C12orf56: variants seen among roughly 807,000 people sequenced by gnomAD.
C12orf56 encodes chromosome 12 open reading frame 56.
Under a neutral mutation model 69.9 loss-of-function variants are expected in C12orf56, and 71 were observed. That is an observed-to-expected ratio of 1.02 (90% CI 0.84 to 1.24). C12orf56 has a LOEUF of 1.24. C12orf56 is among the 50% of genes most tolerant of loss of function. The pLI, the probability that C12orf56 is intolerant of heterozygous loss-of-function variation, is 0.00. For missense variants in C12orf56, 732 were observed against 738.5 expected (o/e 0.99, Z 0.10); for synonymous variants, 276 against 274.1 (o/e 1.01, Z -0.07).
At chr12:64,342,533 T>C (rs1044918613) in intron 2 of C12orf56, among the ~76,000 whole-genome samples, 1 of 152,156 alleles carries the variant, frequency 6.6e-6, no homozygotes, top group Non-Finnish European at 1.5e-5. Context: ...GCAGAAACCA[T>C]GGGCATTTGA....
At chr12:64,388,267 G>C (rs916153377) in intron 1 of C12orf56, among the ~76,000 whole-genome samples, 2 of 151,862 alleles carry the variant, frequency 1.3e-5, no homozygotes, top group Admixed American at 1.3e-4. Context: ...TGTTTGTTTA[G>C]AGACAGTCTA....
At chr12:64,279,699 A>C (rs1442321795) in intron 8 of C12orf56, among the ~76,000 whole-genome samples, 1 of 152,202 alleles carries the variant, frequency 6.6e-6, no homozygotes, top group Non-Finnish European at 1.5e-5. Flanking sequence ...AAGCAAGTCT[A>C]GTTCTTATAT....
At chr12:64,367,213 C>CATACAGATTATATATTATATATAAT (rs2039503522) in intron 1 of C12orf56, among the ~76,000 whole-genome samples, 1 of 14,118 alleles carries the variant, frequency 7.1e-5, no homozygotes, top group Non-Finnish European at 2.0e-4. Context: ...TTATATATAA[C>CATACAGATTATATATTATATATAAT]ATACAGTTTA....
intron 12 of C12orf56, among the ~76,000 whole-genome samples, chr12:64,269,612 G>A (rs536343651): frequency 4.0e-5 from 6 of 150,822 alleles, no homozygotes; most frequent in East Asian, 1.9e-4. Flanking sequence ...TTTTTGAGGC[G>A]GAATATCCCT....
At position 64,362,911 on chromosome 12, in the gene C12orf56, T is replaced by C. The variant is rs552125737; in HGVS notation, c.253-9855A>G. Among the ~76,000 whole-genome samples the C allele has an allele frequency of 6.8e-4, 104 of 152,282 alleles. 1 individual carries two copies. Among genetic ancestry groups the C allele is most frequent in the African/African-American group, 2.3e-3 (96 of 41,552 alleles). ...TTGCCATGGCATTCGTAAACTGACA[T>C]GTCACTGGTGGAGTGTAGCAGTGAG... On this transcript the variant is annotated intron_variant, in intron 1 of 12. Coordinates refer to ENST00000543942, the MANE Select transcript of C12orf56 (RefSeq NM_001170633.2).
chr12:64,360,994 C>A (rs1248943699), intron 1 of C12orf56, among the ~76,000 whole-genome samples: 1 of 152,000 alleles, frequency 6.6e-6, no homozygotes, highest in Non-Finnish European at 1.5e-5. Context: ...CCGAGATGGG[C>A]GTATCACTTG....
intron 2 of C12orf56, among the ~76,000 whole-genome samples, chr12:64,341,861 A>G (rs369719800): frequency 6.6e-5 from 10 of 152,166 alleles, no homozygotes; most frequent in African/African-American, 2.4e-4. Flanking sequence ...AGCAGTAGTC[A>G]TAGCCAGATC....
At chr12:64,275,910 C>T (rs937692232) in intron 9 of C12orf56, among the ~76,000 whole-genome samples, 1 of 151,838 alleles carries the variant, frequency 6.6e-6, no homozygotes, top group African/African-American at 2.4e-5. Context: ...CTGGCTGGCC[C>T]ACAGAATACT....
intron 8 of C12orf56, among the ~76,000 whole-genome samples, chr12:64,282,766 TAA>T (rs779672242): frequency 5.7e-5 from 7 of 123,510 alleles, no homozygotes; most frequent in Non-Finnish European, 3.5e-5. Context: ...AAACCCTATC[TAA>T]AAAAAAAAAA....
chr12:64,286,869 G>A (rs530322691), intron 6 of C12orf56, among the ~76,000 whole-genome samples: 52 of 152,288 alleles, frequency 3.4e-4, no homozygotes, highest in Non-Finnish European at 5.6e-4. Context: ...AGCTGGGAAT[G>A]CCAGAGAAAG....
intron 4 of C12orf56, among the ~76,000 whole-genome samples, chr12:64,318,332 G>T (rs1163358071): frequency 1.3e-5 from 2 of 152,024 alleles, no homozygotes; most frequent in Non-Finnish European, 2.9e-5. Context: ...CAAAGTGCTG[G>T]GATTACAGGA....
chr12:64,380,069 C>A (rs2039692892), intron 1 of C12orf56, among the ~76,000 whole-genome samples: 1 of 128,194 alleles, frequency 7.8e-6, no homozygotes, highest in Non-Finnish European at 1.6e-5. Context: ...CGTGCCACTG[C>A]ACTCCAGCCT....
intron 8 of C12orf56, among the ~76,000 whole-genome samples, chr12:64,278,807 T>C (rs2038088335): frequency 1.3e-5 from 2 of 152,198 alleles, no homozygotes; most frequent in African/African-American, 4.8e-5. Flanking sequence ...TTTTATGAGT[T>C]TGGCTTTTTT....
At chr12:64,285,388 C>T (rs1242307854) in intron 7 of C12orf56, among the ~76,000 whole-genome samples, 1 of 152,130 alleles carries the variant, frequency 6.6e-6, no homozygotes, top group Non-Finnish European at 1.5e-5. Context: ...TGAAAGCTGT[C>T]TCTCCTCCAG....
chr12:64,282,733 G>T (rs966506050), intron 8 of C12orf56, among the ~76,000 whole-genome samples: 1 of 150,932 alleles, frequency 6.6e-6, no homozygotes, highest in Non-Finnish European at 1.5e-5. Flanking sequence ...TCGTGTCACT[G>T]CACTCCAGCC....
chr12:64,331,881 C>T (rs549982325), intron 2 of C12orf56, among the ~76,000 whole-genome samples: 70 of 152,038 alleles, frequency 4.6e-4, no homozygotes, highest in Middle Eastern at 6.8e-3. Context: ...TTCTGTCTTT[C>T]CAGCCTCTCC....
chr12:64,390,583 T>C lies in C12orf56; in HGVS notation c.-18A>G. ...CTGGCCATGCCCGGCGCCCGCAGCGTGGCGGAGTGCTGGGACTCGAGGCCC... is the reference window on the plus strand; with the variant it reads ...CTGGCCATGCCCGGCGCCCGCAGCGCGGCGGAGTGCTGGGACTCGAGGCCC... On this transcript the variant is annotated 5_prime_UTR_variant, in exon 1 of 13. Transcript: ENST00000543942. The C allele has an allele frequency of 6.5e-7, 1 of 1,541,482 alleles. No individual in the cohort carries two copies. Among genetic ancestry groups the C allele is most frequent in the Non-Finnish European group, 8.7e-7 (1 of 1,151,210 alleles).
At chr12:64,338,235 G>T in intron 2 of C12orf56, 2 of 558,028 alleles carry the variant, frequency 3.6e-6, no homozygotes, top group Middle Eastern at 3.6e-4. Flanking sequence ...GGCATCATCT[G>T]CTGGACTATG....
chr12:64,315,357 A>G (rs10878146), intron 4 of C12orf56, among the ~76,000 whole-genome samples: 67,044 of 146,846 alleles, frequency 0.46, 15,370 homozygotes, highest in African/African-American at 0.55. Flanking sequence ...AAATATTTAC[A>G]TTTTCCTTAA....
Sources: allele counts gnomAD v4.1 joint callset (sites outside exome capture counted in the v4.1 genomes callset), GRCh38; gene constraint gnomAD v4.1.1; transcripts MANE v1.5; gene names NCBI Gene and HGNC (gene_info 2026-07-23, HGNC 2026-07-21).